EFHD1: variants seen among roughly 807,000 people sequenced by gnomAD.
EFHD1 encodes the protein EF-hand domain-containing protein D1.
In EFHD1, 10 loss-of-function variants were observed where a neutral mutation model predicts 17.2. That is an observed-to-expected ratio of 0.58 (90% CI 0.36 to 0.99). The LOEUF (loss-of-function observed/expected upper bound fraction) is 0.99. Among genes scored for constraint, EFHD1 ranks in the 50% least tolerant of loss-of-function variants. The pLI is 0.01. For synonymous variants in EFHD1, 153 were observed against 142.0 expected (o/e 1.08, Z -0.55); for missense variants, 310 against 327.5 (o/e 0.95, Z 0.41).
At chr2:232,629,711 C>T (rs946423690), upstream of EFHD1, among the ~76,000 whole-genome samples, 1 of 152,078 alleles carries the variant, frequency 6.6e-6, no homozygotes, top group Non-Finnish European at 1.5e-5. Flanking sequence ...TCAGGTGATC[C>T]ACCCGCCTCG....
intron 1 of EFHD1, among the ~76,000 whole-genome samples, chr2:232,644,794 ATTTT>A (rs746133158): frequency 1.1e-4 from 14 of 123,818 alleles, no homozygotes; most frequent in African/African-American, 3.9e-4. Context: ...ACCTGGCCTA[ATTTT>A]TTTTTTTTTT....
chr2:232,672,139 G>A (rs749819582), intron 2 of EFHD1, among the ~76,000 whole-genome samples, 170 bp from the exon 3 acceptor site: 12 of 151,954 alleles, frequency 7.9e-5, no homozygotes, highest in Non-Finnish European at 1.6e-4. Context: ...GGGAAAAATC[G>A]GCATGTTTTC....
At chr2:232,646,856 G>A (rs1164845197) in intron 1 of EFHD1, among the ~76,000 whole-genome samples, 3 of 152,220 alleles carry the variant, frequency 2.0e-5, no homozygotes, top group Non-Finnish European at 4.4e-5. Context: ...CAGTCCCCAC[G>A]CCCAGCCCAG....
intron 1 of EFHD1, among the ~76,000 whole-genome samples, chr2:232,656,467 C>T (rs1379969124): frequency 6.7e-6 from 1 of 150,300 alleles, no homozygotes; most frequent in African/African-American, 2.5e-5. Context: ...CAGAGTCTCA[C>T]TCTGTCACCC....
At chr2:232,672,563 C>A (rs1306043663) in intron 3 of EFHD1, 120 bp downstream of exon 3, 38 of 1,393,166 alleles carry the variant, frequency 2.7e-5, no homozygotes, top group Non-Finnish European at 3.4e-5. Context: ...CAGGAGGGTC[C>A]TCCCAGTGCT....
At chr2:232,629,034 G>A (rs997555994), upstream of EFHD1, among the ~76,000 whole-genome samples, 4 of 152,158 alleles carry the variant, frequency 2.6e-5, no homozygotes, top group South Asian at 2.1e-4. Flanking sequence ...GAGCCGGCAC[G>A]GATCCTGGGA....
intron 1 of EFHD1, among the ~76,000 whole-genome samples, chr2:232,625,608 G>A (rs927400208): frequency 9.9e-5 from 15 of 152,074 alleles, no homozygotes; most frequent in Admixed American, 5.9e-4. Context: ...GTTAGTTAAC[G>A]GATGCTACAC....
At chr2:232,644,154 A>G (rs1191563362) in intron 1 of EFHD1, among the ~76,000 whole-genome samples, 3 of 152,096 alleles carry the variant, frequency 2.0e-5, no homozygotes, top group Non-Finnish European at 4.4e-5. Context: ...AGAGCCTGGC[A>G]TGGTGGGCCC....
At chr2:232,681,564 A>C (rs1440082382) in intron 3 of EFHD1, 21 bp from the exon 4 acceptor site, 3 of 1,612,134 alleles carry the variant, frequency 1.9e-6, no homozygotes, top group Non-Finnish European at 2.5e-6. Context: ...CGTTTGGTCT[A>C]TGTCTGCTAT....
At chr2:232,648,938 C>T (rs994890836) in intron 1 of EFHD1, among the ~76,000 whole-genome samples, 1 of 152,148 alleles carries the variant, frequency 6.6e-6, no homozygotes, top group East Asian at 1.9e-4. Context: ...ATCACTAAGG[C>T]GTGTTCTGGG....
At chr2:232,676,019 T>C (rs1695164448) in intron 3 of EFHD1, among the ~76,000 whole-genome samples, 1 of 151,830 alleles carries the variant, frequency 6.6e-6, no homozygotes, top group South Asian at 2.1e-4. Context: ...CTACTAAAAA[T>C]ACAAAAATTA....
chr2:232,681,970 ACTTGTAT>A lies in EFHD1; in HGVS notation c.*255_*261del. 2.2e-6 allele frequency: 1 copy of A among 454,554 alleles called. No homozygotes were observed. 28.2% of individuals were successfully genotyped at this position (454,554 alleles called of 1,614,324 possible). A position where few individuals can be genotyped will look rare whatever the true frequency, so the allele number is the denominator to read the frequency against. On this transcript the variant is annotated 3_prime_UTR_variant, in exon 4 of 4. Transcript: ENST00000264059. ...CTCCTCTGCCCTTCTTATAGCCAGAACTTGTATCTTCTCAGCAACCTTCACTTTGTCC... is the reference window on the plus strand; with the variant it reads ...CTCCTCTGCCCTTCTTATAGCCAGAACTTCTCAGCAACCTTCACTTTGTCC...
intron 1 of EFHD1, among the ~76,000 whole-genome samples, chr2:232,607,751 C>G (rs2106179015): frequency 6.7e-6 from 1 of 150,096 alleles, no homozygotes; most frequent in South Asian, 2.1e-4. Context: ...AAGACCCTAT[C>G]TCAAAAAAAA....
At chr2:232,646,809 A>C (rs1694538756) in intron 1 of EFHD1, among the ~76,000 whole-genome samples, 1 of 152,232 alleles carries the variant, frequency 6.6e-6, no homozygotes, top group Admixed American at 6.5e-5. Flanking sequence ...AAGCAGAGAC[A>C]GAATGTTCAT....
intron 3 of EFHD1, among the ~76,000 whole-genome samples, chr2:232,676,836 A>G (rs1284903581): frequency 1.3e-5 from 2 of 152,114 alleles, no homozygotes; most frequent in Non-Finnish European, 2.9e-5. Flanking sequence ...TTTGGAGTAC[A>G]GGAGCAGTTT....
At chr2:232,670,965 T>C (rs1450952219) in intron 2 of EFHD1, among the ~76,000 whole-genome samples, 1 of 152,196 alleles carries the variant, frequency 6.6e-6, no homozygotes, top group Non-Finnish European at 1.5e-5. Context: ...TAAAAAATAG[T>C]ATATACAGGT....
intron 1 of EFHD1, among the ~76,000 whole-genome samples, chr2:232,653,203 A>T (rs1694691293): frequency 6.6e-6 from 1 of 152,108 alleles, no homozygotes; most frequent in Non-Finnish European, 1.5e-5. Flanking sequence ...CATGTTGGCC[A>T]GCTGGTCTCA....
At chr2:232,657,527 C>G (rs1467963115) in intron 1 of EFHD1, among the ~76,000 whole-genome samples, 1 of 152,072 alleles carries the variant, frequency 6.6e-6, no homozygotes, top group Non-Finnish European at 1.5e-5. Context: ...ATACTAGTGT[C>G]AGCCAGGCAT....
In EFHD1 at chr2:232,663,080, CT is replaced by C. The variant is rs1694905682; in HGVS notation, c.450+134del. 5 of 1,096,528 alleles carry C rather than the reference CT, an allele frequency of 4.6e-6. No individual in the cohort carries two copies. The Admixed American group carries it at 1.7e-4, about 37-fold the overall frequency. The allele number at this position is 1,096,528 out of a possible 1,614,324, so 67.9% of individuals were successfully genotyped here. ...TTTGCGTATCTAACCTGCAATTCCG[CT>C]TTCAAAAATACCTTTTAGGTGACAG... On this transcript the variant is annotated intron_variant, in intron 2 of 3. Transcript: ENST00000264059.
Sources: allele counts gnomAD v4.1 joint callset (sites outside exome capture counted in the v4.1 genomes callset), GRCh38; gene constraint gnomAD v4.1.1; transcripts MANE v1.5; gene names NCBI Gene and HGNC (gene_info 2026-07-23, HGNC 2026-07-21).